The following ANKRD31 variants were observed in gnomAD, a reference collection of about 807,000 sequenced individuals.
ANKRD31 encodes the protein ankyrin repeat domain-containing protein 31.
A neutral mutation model predicts 186.0 loss-of-function variants in ANKRD31; 147 were observed. The ratio of observed to expected loss-of-function variants is 0.79; its 90% CI spans 0.69 to 0.91. ANKRD31 has a LOEUF of 0.91. ANKRD31 is among the 40% of genes least tolerant of loss of function. The pLI is 0.00. For missense variants in ANKRD31, 1,986 were observed against 2,148.8 expected (o/e 0.92, Z 1.50); for synonymous variants, 673 against 736.4 (o/e 0.91, Z 1.39).
Position 75,105,152 on chromosome 5 carries a change from C to T in ANKRD31, c.4407G>A (p.Gln1469=), listed in dbSNP as rs1200054192. ...TTTTTGCCACAACTAAAAGGCTCTT[C>T]TGTCTTGCAGCCAAGTTGGCCAATT... ...REQLANLAAR[Q]KSLLVVAKKQ... is the part of the protein sequence containing the mutation. Residue 1469 remains glutamine (Q), a synonymous_variant, in exon 22 of 26, where the codon CAG becomes CAA. Transcript: ENST00000506364. 1.4e-5 allele frequency: 21 copies of T among 1,536,538 alleles called. No individual in the cohort carries two copies. Among genetic ancestry groups the T allele is most frequent in the Non-Finnish European group, 1.7e-5 (20 of 1,146,732 alleles).
At chr5:75,150,978 GT>G (rs35645611) in intron 12 of ANKRD31, among the ~76,000 whole-genome samples, 1 of 151,894 alleles carries the variant, frequency 6.6e-6, no homozygotes. Flanking sequence ...TTGGAAGGAA[GT>G]TTTTTGCTCT....
chr5:75,179,028 G>A (rs1355471357), intron 10 of ANKRD31, among the ~76,000 whole-genome samples: 7 of 151,994 alleles, frequency 4.6e-5, no homozygotes, highest in Middle Eastern at 3.4e-3. Context: ...TCAAATAGAC[G>A]CAATAAAAAA....
intron 22 of ANKRD31, among the ~76,000 whole-genome samples, chr5:75,101,740 C>T (rs963051464): frequency 3.3e-5 from 5 of 152,166 alleles, no homozygotes; most frequent in African/African-American, 2.4e-5. Flanking sequence ...CTTGTGCATG[C>T]GTCACGTAGT....
chr5:75,201,754 C>T (rs1755838200), intron 5 of ANKRD31, among the ~76,000 whole-genome samples: 1 of 152,160 alleles, frequency 6.6e-6, no homozygotes, highest in Admixed American at 6.5e-5. Flanking sequence ...ACCCTCCTCC[C>T]TTCTGGAATT....
At chr5:75,126,114 C>T (rs1333123911) in intron 17 of ANKRD31, among the ~76,000 whole-genome samples, 4 of 152,144 alleles carry the variant, frequency 2.6e-5, no homozygotes, top group Non-Finnish European at 4.4e-5. Context: ...TGTCTGGTCT[C>T]TTTGACTTAG....
chr5:75,124,791 G>T (rs966642863), intron 17 of ANKRD31, among the ~76,000 whole-genome samples: 18 of 150,640 alleles, frequency 1.2e-4, no homozygotes, highest in African/African-American at 3.6e-4. Context: ...ACAGAGTGTG[G>T]AATAATAGTC....
chr5:75,180,692 T>A (rs997692375), intron 10 of ANKRD31, among the ~76,000 whole-genome samples: 11 of 152,164 alleles, frequency 7.2e-5, no homozygotes, highest in Middle Eastern at 3.2e-3. Flanking sequence ...TGTAGAAAGC[T>A]GAAACTGGAT....
chr5:75,123,065 T>A (rs928809159), intron 17 of ANKRD31, among the ~76,000 whole-genome samples: 1 of 152,072 alleles, frequency 6.6e-6, no homozygotes, highest in African/African-American at 2.4e-5. Context: ...AAAAAATTCT[T>A]AAGTTTGATA....
intron 3 of ANKRD31, among the ~76,000 whole-genome samples, chr5:75,218,824 A>T (rs552251281): frequency 3.9e-5 from 6 of 152,076 alleles, no homozygotes; most frequent in Non-Finnish European, 7.4e-5. Flanking sequence ...CATCAAACAT[A>T]TTCAAACATA....
At chr5:75,131,885 A>G (rs1749874722) in intron 17 of ANKRD31, among the ~76,000 whole-genome samples, 1 of 152,180 alleles carries the variant, frequency 6.6e-6, no homozygotes, top group African/African-American at 2.4e-5. Flanking sequence ...CGCTGGTGAT[A>G]CCCAGGCAAA....
At chr5:75,228,796 GA>G (rs1418768044) in intron 2 of ANKRD31, among the ~76,000 whole-genome samples, 4 of 152,214 alleles carry the variant, frequency 2.6e-5, no homozygotes, top group African/African-American at 4.8e-5. Context: ...TTGGAATATT[GA>G]AACAGACCTC....
At chr5:75,179,941 T>C (rs905280149) in intron 10 of ANKRD31, among the ~76,000 whole-genome samples, 2 of 152,172 alleles carry the variant, frequency 1.3e-5, no homozygotes, top group Non-Finnish European at 2.9e-5. Context: ...AGAAGTCAAA[T>C]TGTCCCTGTT....
chr5:75,137,026 G>C (rs942910537), intron 17 of ANKRD31, among the ~76,000 whole-genome samples: 14 of 152,038 alleles, frequency 9.2e-5, no homozygotes, highest in Non-Finnish European at 1.9e-4. Flanking sequence ...GGTGGGGGTA[G>C]GGGGGAGGGA....
At chr5:75,180,516 G>A (rs1017842734) in intron 10 of ANKRD31, among the ~76,000 whole-genome samples, 40 of 152,156 alleles carry the variant, frequency 2.6e-4, no homozygotes, top group African/African-American at 7.0e-4. Context: ...AAACAGCATG[G>A]TACTGGTACC....
At chr5:75,199,579 A>G (rs991424970) in intron 6 of ANKRD31, 52 bp downstream of exon 6, 2 of 1,396,656 alleles carry the variant, frequency 1.4e-6, no homozygotes, top group African/African-American at 1.5e-5. Context: ...ATAATTTTTT[A>G]AAAAATCTAA....
intron 17 of ANKRD31, among the ~76,000 whole-genome samples, chr5:75,130,142 C>G (rs983890511): frequency 6.6e-6 from 1 of 152,164 alleles, no homozygotes; most frequent in Non-Finnish European, 1.5e-5. Context: ...AGGAGTGAAG[C>G]CGCAAACCTT....
chr5:75,174,680 A>C (rs1351789966), intron 10 of ANKRD31, among the ~76,000 whole-genome samples: 3 of 152,256 alleles, frequency 2.0e-5, no homozygotes, highest in Non-Finnish European at 4.4e-5. Flanking sequence ...CCACAAAGAG[A>C]TACCATCTCA....
chr5:75,215,022 C>T (rs530852704), intron 3 of ANKRD31, among the ~76,000 whole-genome samples: 27 of 152,126 alleles, frequency 1.8e-4, no homozygotes, highest in Non-Finnish European at 2.9e-4. Flanking sequence ...TGTGACCTGT[C>T]GGGCTCGAGA....
intron 10 of ANKRD31, among the ~76,000 whole-genome samples, chr5:75,181,251 A>G (rs1035426436): frequency 2.0e-5 from 3 of 152,136 alleles, no homozygotes; most frequent in Admixed American, 6.5e-5. Context: ...GCTGGAGAGG[A>G]TGTGGAGAAA....
Sources: gnomAD v4.1 joint callset for allele counts (sites outside exome capture counted in the v4.1 genomes callset) on GRCh38, gnomAD v4.1.1 for gene constraint, MANE v1.5 for transcripts, NCBI Gene and HGNC (gene_info 2026-07-23, HGNC 2026-07-21) for gene names.